AFG2A: variants seen among roughly 807,000 people sequenced by gnomAD.
AFG2A encodes the protein ATPase family gene 2 protein homolog A.
the AFG2A span, among the ~76,000 whole-genome samples, chr4:123,003,143 C>G: frequency 6.6e-5 from 10 of 152,194 alleles, no homozygotes; most frequent in Non-Finnish European, 1.5e-4. Flanking sequence ...CGAGCCTTGG[C>G]TTTCAGCTTC....
chr4:123,293,152 T>C, the AFG2A span, among the ~76,000 whole-genome samples: 23 of 152,274 alleles, frequency 1.5e-4, no homozygotes, highest in Admixed American at 3.3e-4. Flanking sequence ...TACCCCAAAG[T>C]GCTCCAGAAA....
the AFG2A span, among the ~76,000 whole-genome samples, chr4:123,268,738 A>G: frequency 6.6e-6 from 1 of 152,190 alleles, no homozygotes. Context: ...ATCTTCATGC[A>G]TGTCTTTTTA....
the AFG2A span, among the ~76,000 whole-genome samples, chr4:123,041,939 G>A: frequency 0.012 from 1,845 of 152,240 alleles, 42 homozygotes; most frequent in African/African-American, 0.041. Context: ...ATGCTATTAG[G>A]TATCTCCCTC....
chr4:123,029,032 G>C, the AFG2A span, among the ~76,000 whole-genome samples: 2 of 152,122 alleles, frequency 1.3e-5, no homozygotes, highest in African/African-American at 2.4e-5. Flanking sequence ...ATCCATTTCT[G>C]TGGACTGTAT....
the AFG2A span, among the ~76,000 whole-genome samples, chr4:123,306,983 G>A: frequency 1.3e-5 from 2 of 152,118 alleles, no homozygotes; most frequent in East Asian, 3.8e-4. Flanking sequence ...AATCCTTTTT[G>A]CCAAAGAAGT....
the AFG2A span, among the ~76,000 whole-genome samples, chr4:122,935,368 A>C: frequency 6.6e-6 from 1 of 152,198 alleles, no homozygotes; most frequent in Non-Finnish European, 1.5e-5. Context: ...TAGTTGGAAA[A>C]AAACTGGGAT....
At chr4:122,928,233 C>A in the AFG2A span, among the ~76,000 whole-genome samples, 2 of 152,074 alleles carry the variant, frequency 1.3e-5, no homozygotes, top group Non-Finnish European at 2.9e-5. Flanking sequence ...GTAAGAAGGT[C>A]ACCTGTTCTG....
the AFG2A span, among the ~76,000 whole-genome samples, chr4:123,122,130 A>G: frequency 1.9e-4 from 29 of 152,098 alleles, no homozygotes; most frequent in African/African-American, 6.7e-4. Context: ...TTCAAAACTT[A>G]CCTGTTTTGC....
the AFG2A span, among the ~76,000 whole-genome samples, chr4:123,162,874 C>T: frequency 6.6e-6 from 1 of 152,084 alleles, no homozygotes; most frequent in Non-Finnish European, 1.5e-5. Flanking sequence ...ATTCCTCTCT[C>T]TAGGGTTATT....
At chr4:123,131,780 CA>C in the AFG2A span, among the ~76,000 whole-genome samples, 1 of 152,088 alleles carries the variant, frequency 6.6e-6, no homozygotes, top group South Asian at 2.1e-4. Context: ...AGTGGTATTA[CA>C]AACATGGTGT....
the AFG2A span, among the ~76,000 whole-genome samples, chr4:123,312,645 C>A: frequency 6.6e-6 from 1 of 152,138 alleles, no homozygotes; most frequent in Non-Finnish European, 1.5e-5. Flanking sequence ...TTTACTAATC[C>A]CTTGAAGTTT....
At chr4:123,137,198 A>C in the AFG2A span, among the ~76,000 whole-genome samples, 2 of 152,192 alleles carry the variant, frequency 1.3e-5, no homozygotes, top group African/African-American at 4.8e-5. Flanking sequence ...AATAGGCTGC[A>C]ATCTGGTACT....
chr4:123,022,926 A>G, the AFG2A span, among the ~76,000 whole-genome samples: 65,743 of 151,370 alleles, frequency 0.43, 16,961 homozygotes, highest in Non-Finnish European at 0.57. Flanking sequence ...GCAGTAAACT[A>G]TCTCAAGGAC....
At chr4:123,180,378 T>TA in the AFG2A span, among the ~76,000 whole-genome samples, 5 of 152,224 alleles carry the variant, frequency 3.3e-5, no homozygotes, top group African/African-American at 4.8e-5. Flanking sequence ...ATGTGGTACA[T>TA]ATGTTACTTA....
the AFG2A span, among the ~76,000 whole-genome samples, chr4:123,029,364 G>A: frequency 1.9e-3 from 287 of 152,128 alleles, 2 homozygotes; most frequent in African/African-American, 6.6e-3. Flanking sequence ...GAGCGACTGC[G>A]TCTGGCCCAG....
chr4:123,159,356 G>A, the AFG2A span, among the ~76,000 whole-genome samples: 8 of 152,064 alleles, frequency 5.3e-5, no homozygotes, highest in Non-Finnish European at 1.0e-4. Context: ...TGTTAGTTGG[G>A]GGAGTATTTA....
chr4:122,933,417 T>C, the AFG2A span: 6 of 1,602,786 alleles, frequency 3.7e-6, no homozygotes, highest in African/African-American at 6.7e-5. Flanking sequence ...CTGATTTCTG[T>C]TCCCTTCTTA....
chr4:123,043,056 G>A, the AFG2A span, among the ~76,000 whole-genome samples: 1 of 152,054 alleles, frequency 6.6e-6, no homozygotes. Context: ...AATATTTCTT[G>A]TAGTGGAGAT....
chr4:123,144,680 A>G, the AFG2A span, among the ~76,000 whole-genome samples: 1 of 152,142 alleles, frequency 6.6e-6, no homozygotes, highest in Admixed American at 6.5e-5. Flanking sequence ...TTCTCTCAAT[A>G]AAGTTGGGGG....
Sources: gnomAD v4.1 joint callset for allele counts (sites outside exome capture counted in the v4.1 genomes callset) on GRCh38, gnomAD v4.1.1 for gene constraint, MANE v1.5 for transcripts, NCBI Gene and HGNC (gene_info 2026-07-23, HGNC 2026-07-21) for gene names.